NHSL2: variants seen among roughly 807,000 people sequenced by gnomAD.
The protein encoded by NHSL2 is NHS-like protein 2.
In NHSL2, 27 loss-of-function variants were observed where a neutral mutation model predicts 53.4. The observed-to-expected ratio is 0.51, with a 90% CI of 0.37 to 0.70. The LOEUF is 0.70. Among genes scored for constraint, NHSL2 ranks in the 30% least tolerant of loss-of-function variants. The pLI is 0.00. For missense variants in NHSL2, 892 were observed against 980.1 expected, an observed-to-expected ratio of 0.91 and a Z score of 1.20; for synonymous variants, 408 against 404.1, an observed-to-expected ratio of 1.01 and a Z score of -0.12.
intron 1 of NHSL2, among the ~76,000 whole-genome samples, chrX:72,046,039 TG>T (rs2042303807): frequency 8.9e-6 from 1 of 112,021 alleles, no homozygotes; most frequent in African/African-American, 3.3e-5. Context: ...ATCATGTTCA[TG>T]GCCAATGAAA....
At chrX:72,071,067 G>A (rs1026423224) in intron 1 of NHSL2, among the ~76,000 whole-genome samples, 1 of 111,229 alleles carries the variant, frequency 9.0e-6, no homozygotes, top group African/African-American at 3.3e-5. Flanking sequence ...AGGGCGTGGT[G>A]GGGAGAGAAG....
chrX:71,951,005 TACACACACACAC>T (rs10527333), intron 1 of NHSL2, among the ~76,000 whole-genome samples: 20 of 89,749 alleles, frequency 2.2e-4, no homozygotes, highest in Non-Finnish European at 3.4e-4. Flanking sequence ...AAATACAAAA[TACACACACACAC>T]ACACACACAC....
At chrX:72,132,272 AGC>A in intron 2 of NHSL2, 38 bp downstream of exon 2, 1 of 1,109,930 alleles carries the variant, frequency 9.0e-7, no homozygotes, top group East Asian at 3.4e-5. Flanking sequence ...GGAGCCCAGA[AGC>A]GAGATGCGCA....
intron 1 of NHSL2, among the ~76,000 whole-genome samples, chrX:72,093,770 C>CTTTT (rs1383767988): frequency 9.6e-6 from 1 of 103,855 alleles, no homozygotes; most frequent in Non-Finnish European, 2.0e-5. Flanking sequence ...TTCTTTCTTT[C>CTTTT]TTTCTTTCTT....
chrX:71,988,645 C>A (rs1019693469), intron 1 of NHSL2, among the ~76,000 whole-genome samples: 2 of 111,078 alleles, frequency 1.8e-5, no homozygotes, highest in Non-Finnish European at 3.8e-5. Context: ...CCCCACTTAC[C>A]CAAAGTCGGC....
At chrX:72,134,863 T>C (rs2042343179) in intron 4 of NHSL2, among the ~76,000 whole-genome samples, 159 bp downstream of exon 4, 1 of 112,866 alleles carries the variant, frequency 8.9e-6, no homozygotes, top group Admixed American at 9.3e-5. Flanking sequence ...AACGGAGGCA[T>C]GCAGAAGAGG....
chrX:72,015,605 C>T (rs1160106845), intron 1 of NHSL2, among the ~76,000 whole-genome samples: 1 of 112,317 alleles, frequency 8.9e-6, no homozygotes. Flanking sequence ...CTGTGCTCCA[C>T]CCAGCAGTGT....
chrX:72,144,374 A>G lies in NHSL2; in HGVS notation c.*800A>G. On this transcript the variant is annotated 3_prime_UTR_variant, in exon 8 of 8. Transcript: ENST00000633930. Reference sequence around the variant, plus strand: ...TCAGATCTAGCCGAGGTAACTCACAAGTGCACCTTGAGATCCTCCATGTGT... The same window carrying G: ...TCAGATCTAGCCGAGGTAACTCACAGGTGCACCTTGAGATCCTCCATGTGT... The G allele has an allele frequency of 2.6e-6, 1 of 384,824 alleles. No individual in the cohort carries two copies. Among genetic ancestry groups the G allele is most frequent in the Non-Finnish European group, 4.6e-6 (1 of 218,884 alleles). 31.7% of individuals were successfully genotyped at this position (384,824 alleles called of 1,213,427 possible).
chrX:72,005,632 A>C (rs1172940698), intron 1 of NHSL2, among the ~76,000 whole-genome samples: 1 of 111,527 alleles, frequency 9.0e-6, no homozygotes, highest in Non-Finnish European at 1.9e-5. Context: ...AAGCAAGGCA[A>C]CCTCCAAGGT....
rs182635701 is a variant in NHSL2 at position 72,098,264 on chromosome X, T to C, written c.281-33815T>C. ...GAGGAAAGAGAAGGTTTGGAAAGAA[T>C]AGGACAGAAAGGGAGGAATAAGAAA... On this transcript the variant is annotated intron_variant, in intron 1 of 7. Transcript: ENST00000633930. Among the ~76,000 whole-genome samples, 315 of 111,620 alleles carry C rather than the reference T, an allele frequency of 2.8e-3. 1 individual carries two copies. Among genetic ancestry groups the C allele is most frequent in the African/African-American group, 9.6e-3 (294 of 30,715 alleles).
At chrX:72,136,510 C>T (rs1474817886) in intron 4 of NHSL2, among the ~76,000 whole-genome samples, 1 of 111,965 alleles carries the variant, frequency 8.9e-6, no homozygotes, top group African/African-American at 3.3e-5. Context: ...GCTCAATCAC[C>T]ATGCTGTGAG....
At chrX:72,058,200 C>T (rs950136730) in intron 1 of NHSL2, among the ~76,000 whole-genome samples, 2 of 112,343 alleles carry the variant, frequency 1.8e-5, no homozygotes, top group Non-Finnish European at 3.8e-5. Flanking sequence ...CAAAGATGAA[C>T]AAAATGAGCC....
At chrX:72,057,137 G>A (rs2042374239) in intron 1 of NHSL2, among the ~76,000 whole-genome samples, 1 of 112,215 alleles carries the variant, frequency 8.9e-6, no homozygotes, top group Admixed American at 9.4e-5. Flanking sequence ...CTGCCATCAA[G>A]CCTCTTGAAA....
chrX:72,083,996 C>T (rs1950829146), intron 1 of NHSL2, among the ~76,000 whole-genome samples: 1 of 111,953 alleles, frequency 8.9e-6, no homozygotes, highest in Non-Finnish European at 1.9e-5. Flanking sequence ...ATATCCTTGC[C>T]CACTCATCAA....
chrX:72,044,636 C>T, intron 1 of NHSL2: 2 of 1,167,841 alleles, frequency 1.7e-6, no homozygotes, highest in Non-Finnish European at 1.2e-6. Flanking sequence ...CGATGCGTGC[C>T]CACAGACAAG....
intron 1 of NHSL2, among the ~76,000 whole-genome samples, chrX:71,939,342 G>A (rs2041754980): frequency 8.9e-6 from 1 of 112,266 alleles, no homozygotes; most frequent in African/African-American, 3.2e-5. Flanking sequence ...GATCACACTT[G>A]CTTTTCAGAA....
intron 1 of NHSL2, among the ~76,000 whole-genome samples, chrX:72,071,142 G>C (rs976163829): frequency 9.0e-6 from 1 of 111,469 alleles, no homozygotes; most frequent in Non-Finnish European, 1.9e-5. Flanking sequence ...CCGCCTGTCA[G>C]AGCAGGGCTT....
At chrX:72,106,443 A>T (rs762846283) in intron 1 of NHSL2, among the ~76,000 whole-genome samples, 1 of 112,274 alleles carries the variant, frequency 8.9e-6, no homozygotes, top group East Asian at 2.8e-4. Flanking sequence ...TAGAATGGCG[A>T]TCATTAAAAA....
At chrX:72,068,660 G>A (rs1303808560) in intron 1 of NHSL2, among the ~76,000 whole-genome samples, 1 of 47,060 alleles carries the variant, frequency 2.1e-5, no homozygotes, top group Non-Finnish European at 5.2e-5. Flanking sequence ...GTGTGTGTGT[G>A]CGTGTGTGTG....
Sources: gnomAD v4.1 joint callset for allele counts (sites outside exome capture counted in the v4.1 genomes callset) on GRCh38, gnomAD v4.1.1 for gene constraint, MANE v1.5 for transcripts, NCBI Gene and HGNC (gene_info 2026-07-23, HGNC 2026-07-21) for gene names.